NDUFAF6: variants seen among roughly 807,000 people sequenced by gnomAD.
NDUFAF6 encodes the protein NADH dehydrogenase (ubiquinone) complex I, assembly factor 6.
In NDUFAF6, 45 loss-of-function variants were observed where a neutral mutation model predicts 40.8. The observed-to-expected ratio is 1.10, with a 90% confidence interval of 0.87 to 1.42. The LOEUF (loss-of-function observed/expected upper bound fraction) is 1.42. NDUFAF6 is among the 40% of genes most tolerant of loss of function. The probability of loss-of-function intolerance (pLI) is 0.00; values close to 1 mark genes in which losing one functional copy is unlikely to be tolerated. For missense variants in NDUFAF6, 435 were observed against 418.5 expected, an observed-to-expected ratio of 1.04 and a Z score of -0.34; for synonymous variants, 185 against 155.9, an observed-to-expected ratio of 1.19 and a Z score of -1.39.
rs1210807919 is a variant in NDUFAF6, at chr8:95,045,543, A to C, written c.478-2A>C. 6.2e-7 allele frequency: 1 copy of C among 1,608,698 alleles called. No homozygotes were observed. Among genetic ancestry groups the C allele is most frequent in the Non-Finnish European group, 8.5e-7 (1 of 1,175,408 alleles). ...ACTTTATTTGCATTTTATTTGATGTAGGAAAAAAATCTGGATGACAAAGCA... is the reference window on the plus strand; with the variant it reads ...ACTTTATTTGCATTTTATTTGATGTCGGAAAAAAATCTGGATGACAAAGCA... On this transcript the variant is annotated splice_acceptor_variant, in intron 4 of 8. Coordinates refer to ENST00000396124, the MANE Select transcript of NDUFAF6 (RefSeq NM_152416.4). LOFTEE classifies it high-confidence loss of function.
chr8:95,116,623 T>C (rs764812437), downstream of NDUFAF6, among the ~76,000 whole-genome samples: 18 of 152,156 alleles, frequency 1.2e-4, no homozygotes, highest in Non-Finnish European at 2.6e-4. Flanking sequence ...AGTGCTGGAA[T>C]TACAGGTGTG....
chr8:95,016,911 CTCT>C (rs1827474562), intron 2 of NDUFAF6, among the ~76,000 whole-genome samples: 1 of 148,596 alleles, frequency 6.7e-6, no homozygotes, highest in Non-Finnish European at 1.5e-5. Context: ...CCTCTTCCTT[CTCT>C]TCTTCCTCCT....
chr8:95,059,890 G>A (rs150799604), downstream of NDUFAF6, among the ~76,000 whole-genome samples: 115 of 151,972 alleles, frequency 7.6e-4, no homozygotes, highest in East Asian at 0.022. Flanking sequence ...AATGGGACAT[G>A]TTTCCTCTTG....
chr8:95,089,080 A>G lies in NDUFAF6; in HGVS notation n.214-12052A>G, dbSNP rs555853021. On this transcript the variant is annotated intron_variant and non_coding_transcript_variant, in intron 2 of 5. Coordinates refer to the NDUFAF6 transcript ENST00000523184. ...CCCAGCCTTGTTTTTCTTTTTTTTG[A>G]GACAAGGTCTGGCTCTGTCGTCTAG... Among the ~76,000 whole-genome samples the G allele has an allele frequency of 8.6e-5, 13 of 151,378 alleles. No individual in the cohort carries two copies. The South Asian group carries it at 2.7e-3, about 31-fold the overall frequency.
chr8:94,931,971 CA>C (rs570658727), intron 1 of NDUFAF6: 5 of 1,262,356 alleles, frequency 4.0e-6, no homozygotes, highest in South Asian at 1.4e-5. Flanking sequence ...GACTCCATCT[CA>C]AAAAAAGAAA....
At chr8:94,982,317 A>C (rs1353680647) in intron 2 of NDUFAF6, among the ~76,000 whole-genome samples, 1 of 152,196 alleles carries the variant, frequency 6.6e-6, no homozygotes, top group Non-Finnish European at 1.5e-5. Flanking sequence ...TACAATATTC[A>C]GTACAGTAAC....
chr8:94,972,035 A>G (rs1270402148), intron 1 of NDUFAF6, among the ~76,000 whole-genome samples: 2 of 152,232 alleles, frequency 1.3e-5, no homozygotes, highest in Non-Finnish European at 2.9e-5. Context: ...ATTTTCTGGC[A>G]GTGTTACCTC....
intron 1 of NDUFAF6, among the ~76,000 whole-genome samples, chr8:95,029,813 T>A (rs1324727556): frequency 6.6e-6 from 1 of 152,242 alleles, no homozygotes; most frequent in Non-Finnish European, 1.5e-5. Context: ...CCATATCATA[T>A]CAGGCAGCAC....
upstream of NDUFAF6, among the ~76,000 whole-genome samples, chr8:95,020,026 C>T (rs1364222630): frequency 6.6e-6 from 1 of 152,112 alleles, no homozygotes; most frequent in Non-Finnish European, 1.5e-5. Flanking sequence ...TGGTGAAACC[C>T]TGTCTCTACT....
At chr8:95,048,320 A>G in intron 6 of NDUFAF6, 137 bp from the exon 7 acceptor site, 1 of 703,502 alleles carries the variant, frequency 1.4e-6, no homozygotes. Flanking sequence ...AATAGGCATT[A>G]AACTGTACAT....
chr8:95,064,170 G>A lies in NDUFAF6; in HGVS notation c.*512-11463G>A, dbSNP rs1028109891. Reference sequence around the variant, plus strand: ...CTCCCAAAGTGCTGGGATTACACGCGTGAGTCCCTGCACCCGGCCTCTTGT... The same window carrying A: ...CTCCCAAAGTGCTGGGATTACACGCATGAGTCCCTGCACCCGGCCTCTTGT... On this transcript the variant is annotated intron_variant and NMD_transcript_variant, in intron 9 of 9. Transcript: ENST00000520757. 6.6e-5 allele frequency among the ~76,000 whole-genome samples: 10 copies of A among 151,134 alleles called. 1 individual carries two copies. Among genetic ancestry groups the A allele is most frequent in the African/African-American group, 2.2e-4 (9 of 41,116 alleles).
intron 4 of NDUFAF6, 147 bp from the exon 5 acceptor site, chr8:95,045,398 A>G: frequency 1.6e-6 from 1 of 639,658 alleles, no homozygotes; most frequent in Non-Finnish European, 2.8e-6. Flanking sequence ...GAACTTCAAT[A>G]TTGTAATGTT....
rs73278555 is a variant in NDUFAF6, at chr8:95,066,018, C to T, written c.*512-9615C>T. The stretch of plus-strand genomic sequence containing the variant: ...TGAAGCAAGGTGTGAAGTATGCATC[C>T]ACAGATGGTTGTCCACTTAAGCCAA... On this transcript the variant is annotated intron_variant and NMD_transcript_variant, in intron 9 of 9. Transcript: ENST00000520757. Among the ~76,000 whole-genome samples, 651 of 152,228 alleles carry T rather than the reference C, an allele frequency of 4.3e-3. 5 individuals are homozygous for T. The highest frequency in any genetic ancestry group is 0.015 in the African/African-American group (632 of 41,518).
intron 2 of NDUFAF6, among the ~76,000 whole-genome samples, chr8:95,033,023 T>A (rs1416729229): frequency 1.3e-5 from 2 of 152,186 alleles, no homozygotes; most frequent in African/African-American, 4.8e-5. Context: ...TGGTCTTTAT[T>A]ATCATTTTTA....
chr8:95,051,635 C>A lies in NDUFAF6; in HGVS notation c.817-539C>A, dbSNP rs546265054. Among the ~76,000 whole-genome samples, 4 of 152,034 alleles carry A rather than the reference C, an allele frequency of 2.6e-5. No individual in the cohort carries two copies. The South Asian group carries it at 8.3e-4, about 32-fold the overall frequency. On this transcript the variant is annotated intron_variant, in intron 7 of 8. Transcript: ENST00000396124. ...GTGGTAGGGAGTTAGGTTGGATGGA[C>A]GAGGTTAGAGTCAAGATGTGGAGGC...
At chr8:94,994,198 A>G (rs1388502309) in intron 2 of NDUFAF6, among the ~76,000 whole-genome samples, 1 of 152,168 alleles carries the variant, frequency 6.6e-6, no homozygotes, top group Non-Finnish European at 1.5e-5. Context: ...AGAAATGACC[A>G]ATGTGTGGTT....
chr8:95,023,720 G>A (rs1451161613), upstream of NDUFAF6, among the ~76,000 whole-genome samples: 1 of 152,206 alleles, frequency 6.6e-6, no homozygotes, highest in Non-Finnish European at 1.5e-5. Context: ...AACATACCAT[G>A]TGAACAAATA....
chr8:95,036,208 C>T, intron 3 of NDUFAF6: 2 of 998,632 alleles, frequency 2.0e-6, no homozygotes, highest in Admixed American at 3.7e-5. Context: ...CACTCATAAG[C>T]AGCCACACAT....
Position 95,045,665 on chromosome 8 carries a change from T to C in NDUFAF6, c.580+18T>C. On this transcript the variant is annotated intron_variant, in intron 5 of 8. Coordinates refer to ENST00000396124, the MANE Select transcript of NDUFAF6 (RefSeq NM_152416.4). ...AATATTGGGTAAGTTGTTTTTCTGT[T>C]TCATACTTCTTTTTTCCAATAAAAT... The C allele has an allele frequency of 1.3e-6, 2 of 1,577,624 alleles. No homozygotes were observed. Among genetic ancestry groups the C allele is most frequent in the South Asian group, 1.1e-5 (1 of 89,948 alleles).
Sources: gnomAD v4.1 joint callset for allele counts (sites outside exome capture counted in the v4.1 genomes callset) on GRCh38, gnomAD v4.1.1 for gene constraint, MANE v1.5 for transcripts, NCBI Gene and HGNC (gene_info 2026-07-23, HGNC 2026-07-21) for gene names.